TAFA4: variants seen among roughly 807,000 people sequenced by gnomAD.
TAFA4 encodes chemokine-like protein TAFA-4.
In TAFA4, 20 loss-of-function variants were observed where a neutral mutation model predicts 21.1. That is an observed-to-expected ratio of 0.95 (90% CI 0.67 to 1.38). The LOEUF is 1.38. Among genes scored for constraint, TAFA4 ranks in the 40% most tolerant of loss-of-function variants. TAFA4 has a pLI of 0.00. For missense variants in TAFA4, 211 were observed against 180.9 expected (o/e 1.17, Z -0.95); for synonymous variants, 71 against 67.4 (o/e 1.05, Z -0.26).
intron 3 of TAFA4, among the ~76,000 whole-genome samples, chr3:68,821,795 C>G (rs561868624): frequency 4.6e-5 from 7 of 152,072 alleles, no homozygotes; most frequent in Non-Finnish European, 1.0e-4. Context: ...GTGTTTTACC[C>G]TTATGTTACT....
At chr3:68,892,502 T>C (rs1354720116) in intron 1 of TAFA4, among the ~76,000 whole-genome samples, 1 of 152,122 alleles carries the variant, frequency 6.6e-6, no homozygotes, top group Admixed American at 6.6e-5. Flanking sequence ...AGGTGATGGA[T>C]ACACTAAAAG....
intron 1 of TAFA4, among the ~76,000 whole-genome samples, chr3:68,887,909 A>G (rs958381122): frequency 6.6e-6 from 1 of 151,948 alleles, no homozygotes; most frequent in Non-Finnish European, 1.5e-5. Context: ...CATTTTAGCA[A>G]TCTCTTTTGC....
chr3:68,845,509 C>A (rs1404122977), intron 3 of TAFA4, among the ~76,000 whole-genome samples: 1 of 152,132 alleles, frequency 6.6e-6, no homozygotes, highest in Non-Finnish European at 1.5e-5. Flanking sequence ...GGGCCTTTAG[C>A]CCATTTACAT....
chr3:68,921,373 A>G (rs1176181380), intron 1 of TAFA4, among the ~76,000 whole-genome samples: 1 of 152,026 alleles, frequency 6.6e-6, no homozygotes, highest in Non-Finnish European at 1.5e-5. Flanking sequence ...ACAAGTGAAG[A>G]AAAAAAAGCA....
intron 3 of TAFA4, among the ~76,000 whole-genome samples, chr3:68,800,281 A>T (rs1021789503): frequency 6.6e-6 from 1 of 152,152 alleles, no homozygotes; most frequent in Non-Finnish European, 1.5e-5. Context: ...GCCCTAGAGC[A>T]TCCAGAAGGA....
chr3:68,845,518 A>C (rs1704766555), intron 3 of TAFA4, among the ~76,000 whole-genome samples: 1 of 152,138 alleles, frequency 6.6e-6, no homozygotes, highest in Admixed American at 6.5e-5. Flanking sequence ...GCCCATTTAC[A>C]TTTAAGGTTA....
intron 2 of TAFA4, among the ~76,000 whole-genome samples, chr3:68,883,656 T>A (rs991982929): frequency 1.3e-5 from 2 of 152,246 alleles, no homozygotes; most frequent in African/African-American, 4.8e-5. Flanking sequence ...AAACCATAAA[T>A]TGATCGATAA....
At chr3:68,753,173 T>C (rs574346564) in intron 3 of TAFA4, among the ~76,000 whole-genome samples, 155 bp from the exon 4 acceptor site, 1 of 152,100 alleles carries the variant, frequency 6.6e-6, no homozygotes, top group Non-Finnish European at 1.5e-5. Context: ...TTATTTCAAA[T>C]TTATATAAAG....
intron 3 of TAFA4, among the ~76,000 whole-genome samples, chr3:68,850,202 G>C (rs991409511): frequency 1.3e-5 from 2 of 152,150 alleles, no homozygotes; most frequent in African/African-American, 4.8e-5. Context: ...TCATACAACA[G>C]TAATATTGCC....
chr3:68,804,938 C>A (rs932521645), intron 3 of TAFA4, among the ~76,000 whole-genome samples: 8 of 152,166 alleles, frequency 5.3e-5, no homozygotes, highest in African/African-American at 9.6e-5. Flanking sequence ...GCAACAAAAG[C>A]CAAAATTGAC....
intron 3 of TAFA4, among the ~76,000 whole-genome samples, chr3:68,806,663 G>C (rs1049964559): frequency 3.9e-5 from 6 of 152,104 alleles, no homozygotes; most frequent in African/African-American, 1.4e-4. Flanking sequence ...GTAGAAGGTA[G>C]GACTTCTGGG....
At chr3:68,874,992 T>C (rs1348268225) in intron 3 of TAFA4, among the ~76,000 whole-genome samples, 5 of 152,112 alleles carry the variant, frequency 3.3e-5, no homozygotes, top group South Asian at 2.1e-4. Context: ...AAATATAATA[T>C]GGGGTACAAC....
intron 3 of TAFA4, among the ~76,000 whole-genome samples, chr3:68,878,630 G>A (rs953660430): frequency 4.6e-5 from 7 of 152,082 alleles, no homozygotes; most frequent in Non-Finnish European, 8.8e-5. Flanking sequence ...TAAAAGAAAC[G>A]AACCTGCCAA....
intron 3 of TAFA4, among the ~76,000 whole-genome samples, chr3:68,863,155 T>C (rs2089372398): frequency 6.6e-6 from 1 of 151,140 alleles, no homozygotes. Context: ...GGTGGGAGGA[T>C]CACTTGAGCC....
intron 5 of TAFA4, among the ~76,000 whole-genome samples, chr3:68,738,397 T>C (rs1046975095): frequency 3.9e-5 from 6 of 152,166 alleles, no homozygotes; most frequent in Admixed American, 6.5e-5. Context: ...TTTTACAAAA[T>C]TATTGTAGTC....
intron 5 of TAFA4, among the ~76,000 whole-genome samples, chr3:68,735,490 G>A (rs117878795): frequency 3.5e-4 from 54 of 152,186 alleles, no homozygotes; most frequent in Non-Finnish European, 4.9e-4. Context: ...TTTTAAAAGC[G>A]TGGTTTTCTA....
At chr3:68,826,189 C>A (rs1485184479) in intron 3 of TAFA4, among the ~76,000 whole-genome samples, 1 of 152,186 alleles carries the variant, frequency 6.6e-6, no homozygotes. Flanking sequence ...TCGGAAGGCC[C>A]AGATTTGAGA....
intron 5 of TAFA4, 151 bp downstream of exon 5, chr3:68,738,924 C>G (rs941176851): frequency 9.4e-7 from 1 of 1,069,460 alleles, no homozygotes; most frequent in East Asian, 2.6e-5. Flanking sequence ...GGGAAATGCG[C>G]TTTTCAAAAA....
rs144797490 is a variant in TAFA4 at position 68,892,493 on chromosome 3, G to A, written c.-122-7183C>T. On this transcript the variant is annotated intron_variant, in intron 1 of 5. Coordinates refer to ENST00000295569, the MANE Select transcript of TAFA4 (RefSeq NM_182522.5). ...TAATGGGTATGACGTACATTAATCA[G>A]GTGATGGATACACTAAAAGCCCTGC... Among the ~76,000 whole-genome samples, 458 of 152,240 alleles carry A rather than the reference G, an allele frequency of 3.0e-3. 3 individuals carry two copies. The highest frequency in any genetic ancestry group is 0.011 in the African/African-American group (443 of 41,552).
Sources: gnomAD v4.1 joint callset for allele counts (sites outside exome capture counted in the v4.1 genomes callset) on GRCh38, gnomAD v4.1.1 for gene constraint, MANE v1.5 for transcripts, NCBI Gene and HGNC (gene_info 2026-07-23, HGNC 2026-07-21) for gene names.